Variants in SNTG2 observed in about 807,000 individuals in gnomAD.
SNTG2 encodes the protein syntrophin gamma 2, also known as gamma-2-syntrophin.
A neutral mutation model predicts 70.9 loss-of-function variants in SNTG2; 74 were observed. That is an observed-to-expected ratio of 1.04 (90% CI 0.86 to 1.27). The LOEUF (loss-of-function observed/expected upper bound fraction) is 1.27. Ranked by LOEUF, SNTG2 falls within the 50% of genes most tolerant of loss-of-function variation. The probability of loss-of-function intolerance (pLI) is 0.00; values close to 1 mark genes in which losing one functional copy is unlikely to be tolerated. For synonymous variants in SNTG2, 278 were observed against 273.8 expected (o/e 1.02, Z -0.15); for missense variants, 717 against 690.7 (o/e 1.04, Z -0.43).
chr2:1,000,223 A>G (rs1423106864), intron 1 of SNTG2, among the ~76,000 whole-genome samples: 1 of 151,940 alleles, frequency 6.6e-6, no homozygotes, highest in Non-Finnish European at 1.5e-5. Context: ...ACATCAAGGA[A>G]CCAGGAAAAG....
At chr2:1,078,041 A>G (rs1212398383) in intron 1 of SNTG2, among the ~76,000 whole-genome samples, 1 of 152,166 alleles carries the variant, frequency 6.6e-6, no homozygotes, top group African/African-American at 2.4e-5. Flanking sequence ...GTCTTATTTC[A>G]TTAAACACAT....
At chr2:1,071,558 G>A (rs1321021761) in intron 1 of SNTG2, among the ~76,000 whole-genome samples, 12 of 150,266 alleles carry the variant, frequency 8.0e-5, no homozygotes, top group Admixed American at 1.3e-4. Context: ...GCTAGATGAC[G>A]AGTTAGTGGG....
chr2:1,032,662 C>T (rs1660904053), intron 1 of SNTG2, among the ~76,000 whole-genome samples: 2 of 152,162 alleles, frequency 1.3e-5, no homozygotes, highest in Non-Finnish European at 2.9e-5. Flanking sequence ...ATGTAGTTTT[C>T]ACCATTAAGT....
At chr2:1,299,193 C>T (rs1271558419) in intron 14 of SNTG2, among the ~76,000 whole-genome samples, 2 of 152,328 alleles carry the variant, frequency 1.3e-5, no homozygotes, top group African/African-American at 2.4e-5. Context: ...TGCTGCTTTC[C>T]GGGCCGTGGA....
At chr2:1,167,695 G>A (rs1294037031) in intron 7 of SNTG2, among the ~76,000 whole-genome samples, 5 of 77,046 alleles carry the variant, frequency 6.5e-5, no homozygotes, top group Non-Finnish European at 1.2e-4. Context: ...CCTAGAAGCC[G>A]CCCACAGACG....
At chr2:996,325 T>C (rs1042504829) in intron 1 of SNTG2, among the ~76,000 whole-genome samples, 2 of 152,234 alleles carry the variant, frequency 1.3e-5, no homozygotes, top group Non-Finnish European at 2.9e-5. Context: ...AGTGAGCAAC[T>C]TCTTTCCTCT....
At chr2:1,081,764 C>G (rs1054253788) in intron 1 of SNTG2, among the ~76,000 whole-genome samples, 4 of 152,254 alleles carry the variant, frequency 2.6e-5, no homozygotes, top group Admixed American at 1.3e-4. Context: ...GTACAGCCCC[C>G]TGGGGTCAGC....
At chr2:989,656 T>C (rs1386335775) in intron 1 of SNTG2, among the ~76,000 whole-genome samples, 1 of 152,226 alleles carries the variant, frequency 6.6e-6, no homozygotes, top group Non-Finnish European at 1.5e-5. Context: ...TCCCCAATTT[T>C]CTCTCATAAT....
rs182824443 is a variant in SNTG2 at position 1,101,214 on chromosome 2, C to T, written c.325+2804C>T. Among the ~76,000 whole-genome samples, 513 of 152,272 alleles carry T rather than the reference C, an allele frequency of 3.4e-3. 2 individuals carry two copies. Among genetic ancestry groups the T allele is most frequent in the Middle Eastern group, 0.017 (5 of 292 alleles). On this transcript the variant is annotated intron_variant, in intron 4 of 16. Transcript: ENST00000308624. Reference sequence around the variant, plus strand: ...CCCACCCAGAGCCTGCCTGCCTGCCCCTGCTGCCCCCTCCCCCAGCCAGCT... The same window carrying T: ...CCCACCCAGAGCCTGCCTGCCTGCCTCTGCTGCCCCCTCCCCCAGCCAGCT...
intron 14 of SNTG2, among the ~76,000 whole-genome samples, chr2:1,303,557 T>C (rs1284935539): frequency 1.3e-5 from 2 of 152,192 alleles, no homozygotes; most frequent in African/African-American, 4.8e-5. Flanking sequence ...CTAAAAACTG[T>C]AGGCTTTTGC....
chr2:1,248,844 CTGTT>C (rs1370074841), intron 12 of SNTG2, among the ~76,000 whole-genome samples: 2 of 152,198 alleles, frequency 1.3e-5, no homozygotes, highest in Non-Finnish European at 2.9e-5. Context: ...CCTGTGTGGC[CTGTT>C]TACCAGTTGG....
chr2:1,311,296 C>T (rs551469819), intron 15 of SNTG2, among the ~76,000 whole-genome samples: 4 of 152,312 alleles, frequency 2.6e-5, no homozygotes, highest in South Asian at 4.1e-4. Context: ...ACATTTTTCT[C>T]GTGATTATTT....
intron 1 of SNTG2, among the ~76,000 whole-genome samples, chr2:1,056,253 T>A (rs1243022247): frequency 1.5e-5 from 1 of 66,564 alleles, no homozygotes; most frequent in Non-Finnish European, 2.8e-5. Flanking sequence ...GGCCGCACTG[T>A]GCTGTGGGGA....
At chr2:1,061,411 C>G (rs1328051220) in intron 1 of SNTG2, among the ~76,000 whole-genome samples, 1 of 152,176 alleles carries the variant, frequency 6.6e-6, no homozygotes, top group African/African-American at 2.4e-5. Context: ...TGCCTTTGTT[C>G]CAGACAACCT....
intron 12 of SNTG2, among the ~76,000 whole-genome samples, chr2:1,250,759 G>C (rs1196461767): frequency 6.6e-6 from 1 of 151,684 alleles, no homozygotes; most frequent in Non-Finnish European, 1.5e-5. Context: ...CTCCTTCTCT[G>C]CCCACTCTTT....
intron 6 of SNTG2, among the ~76,000 whole-genome samples, chr2:1,163,089 G>A (rs1210785019): frequency 6.6e-6 from 1 of 152,192 alleles, no homozygotes; most frequent in East Asian, 1.9e-4. Context: ...CCTCCCAACT[G>A]GAAGTGGGCT....
chr2:1,291,354 G>A (rs1458490716), intron 14 of SNTG2, among the ~76,000 whole-genome samples: 1 of 152,032 alleles, frequency 6.6e-6, no homozygotes, highest in African/African-American at 2.4e-5. Context: ...TTTAATTTTG[G>A]TATTATTCTG....
intron 8 of SNTG2, among the ~76,000 whole-genome samples, chr2:1,202,522 T>C (rs1455098995): frequency 6.6e-6 from 1 of 151,588 alleles, no homozygotes; most frequent in Non-Finnish European, 1.5e-5. Flanking sequence ...GTAGAAAAAA[T>C]CCAGGGGAAC....
intron 9 of SNTG2, among the ~76,000 whole-genome samples, chr2:1,218,247 T>A (rs1331473054): frequency 6.6e-6 from 1 of 152,116 alleles, no homozygotes; most frequent in Non-Finnish European, 1.5e-5. Context: ...CCTGCATAAA[T>A]CTCCCTAACT....
Sources: gnomAD v4.1 joint callset for allele counts (sites outside exome capture counted in the v4.1 genomes callset) on GRCh38, gnomAD v4.1.1 for gene constraint, MANE v1.5 for transcripts, NCBI Gene and HGNC (gene_info 2026-07-23, HGNC 2026-07-21) for gene names.